The following MAP4 variants were observed in gnomAD, a reference collection of about 807,000 sequenced individuals.
MAP4 encodes microtubule-associated protein 4.
In MAP4, 76 loss-of-function variants were observed where a neutral mutation model predicts 170.2. The ratio of observed to expected loss-of-function variants is 0.45; its 90% CI spans 0.37 to 0.54. The LOEUF (loss-of-function observed/expected upper bound fraction) is 0.54, where lower values mean the gene tolerates loss of function less well. MAP4 is among the 20% of genes least tolerant of loss of function. MAP4 has a pLI of 0.00. For synonymous variants in MAP4, 909 were observed against 994.5 expected (o/e 0.91, Z 1.62); for missense variants, 2,506 against 2,748.0 (o/e 0.91, Z 1.97).
intron 3 of MAP4, among the ~76,000 whole-genome samples, chr3:47,951,402 C>T (rs958854994): frequency 6.6e-6 from 1 of 152,152 alleles, no homozygotes; most frequent in Non-Finnish European, 1.5e-5. Context: ...GATGCCGAGC[C>T]GAAGCTGGGC....
intron 2 of MAP4, among the ~76,000 whole-genome samples, chr3:47,979,997 CATTATT>C (rs1168724637): frequency 6.6e-6 from 1 of 151,666 alleles, no homozygotes; most frequent in Non-Finnish European, 1.5e-5. Flanking sequence ...CCTAATTTTT[CATTATT>C]ATTATTTTTT....
chr3:48,073,818 G>C (rs2100142251), intron 1 of MAP4, among the ~76,000 whole-genome samples: 1 of 152,148 alleles, frequency 6.6e-6, no homozygotes, highest in Non-Finnish European at 1.5e-5. Flanking sequence ...AATAGCTGGA[G>C]AGGATGTGGA....
chr3:47,916,944 A>T lies in MAP4; in HGVS notation c.883T>A (p.Ser295Thr), dbSNP rs1372082225. Residue 295 changes from serine (S) to threonine (T), a missense_variant, in exon 7 of 21, where the codon TCC becomes ACC. By Grantham distance (58) the Ser-to-Thr change is moderately conservative. This residue lies in a region of MAP4 where 2,008 missense variants were observed against 2,206.0 expected (regional missense o/e 0.91). Coordinates refer to ENST00000683076, the MANE Select transcript of MAP4 (RefSeq NM_001385682.1). ...ACTAGGGCCATATCTGATTCCATGG[A>T]TGGCTGCATGTCCTTGGCCAGTGTC... The part of the protein sequence containing the change: ...DVTLAKDMQP[S>T]MESDMALVKD... 1 of 1,614,098 alleles carries T rather than the reference A, an allele frequency of 6.2e-7. No individual in the cohort carries two copies. Among genetic ancestry groups the T allele is most frequent in the Non-Finnish European group, 8.5e-7 (1 of 1,180,024 alleles).
chr3:47,881,495 T>TATATATGCA (rs1553753057), intron 10 of MAP4, among the ~76,000 whole-genome samples: 5 of 98,272 alleles, frequency 5.1e-5, no homozygotes, highest in East Asian at 6.8e-4. Context: ...TATATATATA[T>TATATATGCA]ATGCATAATC....
chr3:47,986,617 G>A (rs1269100566), intron 2 of MAP4, among the ~76,000 whole-genome samples: 1 of 152,132 alleles, frequency 6.6e-6, no homozygotes, highest in African/African-American at 2.4e-5. Context: ...TGAGATTACA[G>A]GCTTGAGCCC....
At chr3:47,953,148 T>C (rs535131206) in intron 3 of MAP4, among the ~76,000 whole-genome samples, 2 of 152,260 alleles carry the variant, frequency 1.3e-5, no homozygotes, top group African/African-American at 4.8e-5. Flanking sequence ...GGTATGACTA[T>C]GCATTTGTCA....
chr3:47,955,435 T>TACACACAC (rs3079351), intron 3 of MAP4, among the ~76,000 whole-genome samples: 47 of 135,488 alleles, frequency 3.5e-4, no homozygotes, highest in African/African-American at 1.1e-3. Context: ...AATAAGCACG[T>TACACACAC]ACACACACAC....
At chr3:47,998,139 A>G (rs2100096987) in intron 2 of MAP4, among the ~76,000 whole-genome samples, 2 of 152,230 alleles carry the variant, frequency 1.3e-5, no homozygotes. Flanking sequence ...AGAAAACTAC[A>G]GACCAATTCC....
At chr3:47,952,274 C>G (rs565331657) in intron 3 of MAP4, among the ~76,000 whole-genome samples, 4 of 149,750 alleles carry the variant, frequency 2.7e-5, no homozygotes, top group South Asian at 2.1e-4. Flanking sequence ...GGTCAGCCCC[C>G]CCGCCCGGCC....
In MAP4 at chr3:47,870,906, G is replaced by T. The variant is rs1477637465; in HGVS notation, c.6201C>A (p.Arg2067=). 3.1e-6 allele frequency: 5 copies of T among 1,613,852 alleles called. No homozygotes were observed. Among genetic ancestry groups the T allele is most frequent in the Non-Finnish European group, 4.2e-6 (5 of 1,179,960 alleles). The change falls in exon 15 of 21, where the codon CGC becomes CGA. Residue 2067 remains arginine, a synonymous_variant. Transcript: ENST00000683076. ...CAGGAGCAGAAGTATTGGTGGCCAG[G>T]CGGCTGAGCCGGGGGGTGGTGGAGC... is the stretch of plus-strand genomic sequence containing the variant. ...KPSSTTPRLS[R]LATNTSAPDL... is the part of the protein sequence containing the mutation.
At position 48,079,392 on chromosome 3, in the gene MAP4, G is replaced by A. The variant is rs546818100; in HGVS notation, c.-20+9381C>T. Among the ~76,000 whole-genome samples the A allele has an allele frequency of 9.2e-5, 14 of 151,622 alleles. No homozygotes were observed. In the East Asian group the frequency reaches 1.6e-3, roughly 17 times the overall value. ...GCTGGAGCTGGGTGCAGTGGCTCAC[G>A]TCTGTAATCCCAGCACTTTGGCAGG... On this transcript the variant is annotated intron_variant, in intron 1 of 18. Transcript: ENST00000360240.
At chr3:48,045,430 C>T (rs1287246812) in intron 1 of MAP4, among the ~76,000 whole-genome samples, 1 of 152,066 alleles carries the variant, frequency 6.6e-6, no homozygotes, top group East Asian at 1.9e-4. Flanking sequence ...ATTAGATTCT[C>T]ATAAGAGCAC....
Position 47,855,595 on chromosome 3 carries a change from T to TC in MAP4, c.6584-236dup, listed in dbSNP as rs1432693744. 1.3e-5 allele frequency among the ~76,000 whole-genome samples: 2 copies of TC among 152,142 alleles called. No individual in the cohort carries two copies. Among genetic ancestry groups the TC allele is most frequent in the African/African-American group, 4.8e-5 (2 of 41,422 alleles). Reference sequence around the variant, plus strand: ...CTCCAAGAAAAGGAAAGCCATCCCTTCCACCACCCCATGCCACAGCCACTG... The same window carrying TC: ...CTCCAAGAAAAGGAAAGCCATCCCTTCCCACCACCCCATGCCACAGCCACTG... On this transcript the variant is annotated intron_variant, in intron 18 of 20. Coordinates refer to ENST00000683076, the MANE Select transcript of MAP4 (RefSeq NM_001385682.1). The surrounding 1 kb of genome is among the most constrained non-coding windows in gnomAD (Gnocchi z 5.1).
At chr3:48,021,394 G>A (rs1579316446), upstream of MAP4, among the ~76,000 whole-genome samples, 1 of 151,642 alleles carries the variant, frequency 6.6e-6, no homozygotes, top group Admixed American at 6.6e-5. Flanking sequence ...TGCCCAGGCT[G>A]GAGTGCAGTG....
intron 1 of MAP4, among the ~76,000 whole-genome samples, chr3:48,003,739 T>C (rs1416943257): frequency 6.6e-6 from 1 of 152,142 alleles, no homozygotes; most frequent in Non-Finnish European, 1.5e-5. Context: ...GGATGCAACA[T>C]TGATCCTGGG....
chr3:47,869,287 C>G lies in MAP4; in HGVS notation c.6335G>C (p.Arg2112Pro), dbSNP rs745703034. 1.9e-6 allele frequency: 3 copies of G among 1,614,112 alleles called. No individual in the cohort carries two copies. The highest frequency in any genetic ancestry group is 2.5e-6 in the Non-Finnish European group (3 of 1,179,992). The change falls in exon 16 of 21, where the codon CGA becomes CCA. Residue 2112 changes from arginine to proline, a missense_variant. Physicochemically the swap from Arg to Pro is moderately radical, Grantham distance 103. This residue lies in a region of MAP4 where 487 missense variants were observed against 511.6 expected (regional missense o/e 0.95). Coordinates refer to ENST00000683076, the MANE Select transcript of MAP4 (RefSeq NM_001385682.1). Reference sequence around the variant, plus strand: ...AGTGACTGCATTAGATTCAGGCTTTCGGGTTGTAGCAGCTGCCTCTGTTTT... The same window carrying G: ...AGTGACTGCATTAGATTCAGGCTTTGGGGTTGTAGCAGCTGCCTCTGTTTT... ...EKKTEAAATT[R>P]KPESNAVTKT... is the part of the protein sequence containing the mutation.
At chr3:47,947,820 GAAAAGAA>G (rs1169258910) in intron 3 of MAP4, among the ~76,000 whole-genome samples, 5 of 144,550 alleles carry the variant, frequency 3.5e-5, no homozygotes, top group Non-Finnish European at 6.1e-5. Flanking sequence ...AAAAAAAAAA[GAAAAGAA>G]AAAAGAAAAA....
At position 47,911,517 on chromosome 3, in the gene MAP4, T is replaced by A; in HGVS notation, c.2904A>T (p.Glu968Asp). The A allele has an allele frequency of 6.5e-7, 1 of 1,535,970 alleles. No individual in the cohort carries two copies. Among genetic ancestry groups the A allele is most frequent in the South Asian group, 1.2e-5 (1 of 84,048 alleles). Residue 968 changes from glutamate to aspartate, a missense_variant, in exon 9 of 21, where the codon GAA becomes GAT. Glu to Asp is a conservative substitution (Grantham distance 45). Transcript: ENST00000683076. The surrounding 1 kb of genome is among the most constrained non-coding windows in gnomAD (Gnocchi z 4.0). ...GVVSKPTAAK[E>D]IPNLVPTLIA... ...TCAAAGTGGGTACCAAATTTGGTAT[T>A]TCTTTTGCTGCTGTGGGTTTTGAAA...
intron 10 of MAP4, among the ~76,000 whole-genome samples, chr3:47,901,148 G>C (rs1305968836): frequency 6.6e-6 from 1 of 152,072 alleles, no homozygotes; most frequent in East Asian, 1.9e-4. Context: ...GATTTCTCTA[G>C]GTCTTGTAGG....
Sources: allele counts gnomAD v4.1 joint callset (sites outside exome capture counted in the v4.1 genomes callset), GRCh38; gene constraint gnomAD v4.1.1; regional missense constraint gnomAD v4.1.1; non-coding constraint Gnocchi (gnomAD v3.1); transcripts MANE v1.5; gene names NCBI Gene and HGNC (gene_info 2026-07-23, HGNC 2026-07-21).